SPMIP2: variants seen among roughly 807,000 people sequenced by gnomAD.
SPMIP2 encodes the protein sperm microtubule inner protein 2, also known as protein SPMIP2.
the SPMIP2 span, chr4:158,895,618 T>G: frequency 1.6e-6 from 1 of 622,316 alleles, no homozygotes; most frequent in Non-Finnish European, 2.9e-6. Flanking sequence ...TGGCTTGTGA[T>G]TTTTTAAGTG....
chr4:158,930,981 G>A, the SPMIP2 span, among the ~76,000 whole-genome samples: 1 of 152,058 alleles, frequency 6.6e-6, no homozygotes. Flanking sequence ...GGGAAGTTTT[G>A]GCTATTATTT....
chr4:158,920,455 GAATATT>G, the SPMIP2 span, among the ~76,000 whole-genome samples: 27 of 152,220 alleles, frequency 1.8e-4, no homozygotes, highest in African/African-American at 5.8e-4. Flanking sequence ...TCCTAGCAAG[GAATATT>G]AATATTAATA....
the SPMIP2 span, among the ~76,000 whole-genome samples, chr4:158,953,502 T>C: frequency 2.4e-4 from 36 of 152,318 alleles, no homozygotes; most frequent in Non-Finnish European, 4.1e-4. Flanking sequence ...AGAAACTCTA[T>C]TGGAGCAGTG....
the SPMIP2 span, among the ~76,000 whole-genome samples, chr4:158,894,294 CT>C: frequency 1.3e-5 from 2 of 151,676 alleles, no homozygotes; most frequent in African/African-American, 4.8e-5. Flanking sequence ...CCTCAGCCTC[CT>C]GATTAGCTAG....
the SPMIP2 span, chr4:158,905,994 G>A: frequency 6.6e-6 from 1 of 152,128 alleles, no homozygotes; most frequent in East Asian, 1.9e-4. Flanking sequence ...AATGACTTCA[G>A]TTTTTTCATT....
chr4:158,944,114 A>T, the SPMIP2 span, among the ~76,000 whole-genome samples: 1 of 152,012 alleles, frequency 6.6e-6, no homozygotes, highest in Non-Finnish European at 1.5e-5. Context: ...TTGGCCTCCC[A>T]AAGTGCTGGG....
At chr4:159,002,166 GTTGT>G in the SPMIP2 span, among the ~76,000 whole-genome samples, 5 of 152,154 alleles carry the variant, frequency 3.3e-5, no homozygotes, top group South Asian at 1.0e-3. Flanking sequence ...TTTTAATGGG[GTTGT>G]TTGTTATTTT....
the SPMIP2 span, among the ~76,000 whole-genome samples, chr4:158,975,235 C>T: frequency 2.0e-5 from 3 of 150,810 alleles, no homozygotes; most frequent in Admixed American, 6.7e-5. Flanking sequence ...AATTTTCTCC[C>T]GTTCTGTAGG....
chr4:159,000,303 G>A, the SPMIP2 span, among the ~76,000 whole-genome samples: 5 of 152,036 alleles, frequency 3.3e-5, no homozygotes, highest in South Asian at 4.2e-4. Flanking sequence ...TTTTATTTGC[G>A]AAATCAAACA....
chr4:158,967,091 G>GA, the SPMIP2 span, among the ~76,000 whole-genome samples: 2 of 152,102 alleles, frequency 1.3e-5, no homozygotes, highest in African/African-American at 4.8e-5. Context: ...ATGTTTCCAT[G>GA]GTCTGTTAGG....
At chr4:158,930,332 C>T in the SPMIP2 span, among the ~76,000 whole-genome samples, 767 of 152,146 alleles carry the variant, frequency 5.0e-3, 4 homozygotes, top group African/African-American at 0.016. Context: ...CCCACCACAG[C>T]CTCCCAAGTT....
At chr4:159,070,721 G>C in the SPMIP2 span, among the ~76,000 whole-genome samples, 1 of 152,134 alleles carries the variant, frequency 6.6e-6, no homozygotes, top group Non-Finnish European at 1.5e-5. Flanking sequence ...AGAGAAGAGT[G>C]CTGTGAAATG....
the SPMIP2 span, among the ~76,000 whole-genome samples, chr4:158,897,926 G>C: frequency 6.6e-6 from 1 of 152,174 alleles, no homozygotes; most frequent in Non-Finnish European, 1.5e-5. Context: ...GCCTATGCCT[G>C]AATGGTATTG....
At chr4:158,989,031 CAA>C in the SPMIP2 span, among the ~76,000 whole-genome samples, 1 of 152,168 alleles carries the variant, frequency 6.6e-6, no homozygotes, top group Non-Finnish European at 1.5e-5. Flanking sequence ...GCAACTTTGG[CAA>C]AGTCTCAGGA....
At chr4:158,900,678 A>G in the SPMIP2 span, among the ~76,000 whole-genome samples, 2 of 151,342 alleles carry the variant, frequency 1.3e-5, no homozygotes, top group Non-Finnish European at 2.9e-5. Context: ...TTCACTTTCC[A>G]TTTGCTTGTA....
chr4:158,915,361 T>C, the SPMIP2 span: 10 of 1,606,070 alleles, frequency 6.2e-6, no homozygotes, highest in Admixed American at 1.7e-4. Flanking sequence ...TTTGGTTGCC[T>C]GGAATAGGAA....
chr4:158,903,049 C>T, the SPMIP2 span, among the ~76,000 whole-genome samples: 3 of 152,222 alleles, frequency 2.0e-5, no homozygotes, highest in African/African-American at 7.2e-5. Flanking sequence ...AAAACTCTTG[C>T]AGCTAGCTCA....
the SPMIP2 span, among the ~76,000 whole-genome samples, chr4:158,908,869 G>A: frequency 6.6e-6 from 1 of 152,032 alleles, no homozygotes; most frequent in East Asian, 1.9e-4. Context: ...TGTATTTTTA[G>A]TAGAAACGAG....
the SPMIP2 span, among the ~76,000 whole-genome samples, chr4:159,038,966 G>C: frequency 9.0e-3 from 1,365 of 152,182 alleles, 9 homozygotes; most frequent in Non-Finnish European, 0.014. Flanking sequence ...TGGTTTTATA[G>C]TCTTATTTAT....
Sources: gnomAD v4.1 joint callset for allele counts (sites outside exome capture counted in the v4.1 genomes callset) on GRCh38, gnomAD v4.1.1 for gene constraint, MANE v1.5 for transcripts, NCBI Gene and HGNC (gene_info 2026-07-23, HGNC 2026-07-21) for gene names.